Variants in DAB2IP observed in about 807,000 individuals in gnomAD.
DAB2IP encodes DAB2 interacting protein, also known as disabled homolog 2-interacting protein.
DAB2IP carries 28 observed loss-of-function variants against 107.2 expected under a neutral mutation model. That is an observed-to-expected ratio of 0.26 (90% CI 0.19 to 0.36). The LOEUF (loss-of-function observed/expected upper bound fraction) is 0.36, where lower values mean the gene tolerates loss of function less well. Ranked by LOEUF, DAB2IP falls within the 10% of genes least tolerant of loss-of-function variation. DAB2IP has a pLI of 1.00. For synonymous variants in DAB2IP, 755 were observed against 706.4 expected (o/e 1.07, Z -1.09); for missense variants, 1,400 against 1,644.7 (o/e 0.85, Z 2.57).
exon 7 of DAB2IP, chr9:121,763,590 C>G (rs1413537019): frequency 3.1e-6 from 5 of 1,613,898 alleles, no homozygotes; most frequent in Non-Finnish European, 4.2e-6. Flanking sequence ...ACACTGGCCA[C>G]CAAGGCCATT....
Position 121,776,133 on chromosome 9 carries a change from G to C in DAB2IP, c.3121-65G>C. Reference sequence around the variant, plus strand: ...CTCCCTCCTACCCTTCCTCCCACTCGGGCTGACGAAGCTGTGCTCTCTGTG... The same window carrying C: ...CTCCCTCCTACCCTTCCTCCCACTCCGGCTGACGAAGCTGTGCTCTCTGTG... On this transcript the variant is annotated intron_variant, in intron 13 of 15. Coordinates refer to ENST00000408936, the Ensembl canonical transcript of DAB2IP. This position sits in a 1 kb window ranked among gnomAD's most constrained non-coding sequence, Gnocchi z 5.4. 2 of 1,534,418 alleles carry C rather than the reference G, an allele frequency of 1.3e-6. No individual in the cohort carries two copies. Among genetic ancestry groups the C allele is most frequent in the Non-Finnish European group, 1.8e-6 (2 of 1,137,252 alleles).
chr9:121,773,681 A>G (rs1312402241), intron 12 of DAB2IP, among the ~76,000 whole-genome samples, 186 bp downstream of exon 12: 1 of 152,110 alleles, frequency 6.6e-6, no homozygotes, highest in African/African-American at 2.4e-5. Context: ...CCTGTGAACC[A>G]GGGACACTGT....
At chr9:121,694,469 T>A (rs2118706983) in intron 2 of DAB2IP, among the ~76,000 whole-genome samples, 1 of 152,292 alleles carries the variant, frequency 6.6e-6, no homozygotes, top group East Asian at 1.9e-4. Context: ...CATCATCATG[T>A]GGAATTCATT....
Position 121,763,494 on chromosome 9 carries a change from T to G in DAB2IP, c.1171-11T>G. ...CTCAGGTCCTGCTCTCTCCACCTCC[T>G]GCCTCCCCAGGACTTCCTGACAGAC... On this transcript the variant is annotated splice_polypyrimidine_tract_variant and intron_variant, in intron 6 of 15. Transcript: ENST00000408936. The G allele has an allele frequency of 6.2e-7, 1 of 1,608,262 alleles. No individual in the cohort carries two copies. Among genetic ancestry groups the G allele is most frequent in the South Asian group, 1.1e-5 (1 of 89,834 alleles).
chr9:121,778,243 G>A (rs1269550305), intron 14 of DAB2IP, among the ~76,000 whole-genome samples: 2 of 152,038 alleles, frequency 1.3e-5, no homozygotes, highest in Non-Finnish European at 2.9e-5. Context: ...ATTTTTGAAG[G>A]CAAAGCCCAT....
chr9:121,681,004 A>G (rs951488441), intron 2 of DAB2IP, among the ~76,000 whole-genome samples: 5 of 152,068 alleles, frequency 3.3e-5, no homozygotes, highest in Non-Finnish European at 5.9e-5. Flanking sequence ...CGGCCTCTCA[A>G]AGTGCTGGGA....
At chr9:121,728,265 C>A (rs1297582362) in intron 3 of DAB2IP, among the ~76,000 whole-genome samples, 1 of 152,074 alleles carries the variant, frequency 6.6e-6, no homozygotes, top group Non-Finnish European at 1.5e-5. Context: ...TCTGTTGATG[C>A]CCCTGGTTCT....
chr9:121,764,384 G>A (rs1834116862), intron 8 of DAB2IP, among the ~76,000 whole-genome samples: 1 of 152,232 alleles, frequency 6.6e-6, no homozygotes, highest in East Asian at 1.9e-4. Context: ...TGCAGACTCT[G>A]CCAGCCCCAG....
rs1416856227 is a variant in DAB2IP at position 121,783,790 on chromosome 9, C to T, written c.*1292C>T. 1.9e-5 allele frequency: 11 copies of T among 592,826 alleles called. No homozygotes were observed. The Admixed American group carries it at 3.3e-4, about 18-fold the overall frequency. The allele number at this position is 592,826 out of a possible 1,614,324, so 36.7% of individuals were successfully genotyped here. ...CACAGCTGGGGCCGGTTTTCCTCAG[C>T]TCTAGGCTGTTCTGTAGCTTATCTG... On this transcript the variant is annotated 3_prime_UTR_variant, in exon 16 of 16. Transcript: ENST00000408936.
chr9:121,574,457 C>G (rs1397307370), intron 1 of DAB2IP, among the ~76,000 whole-genome samples: 1 of 152,128 alleles, frequency 6.6e-6, no homozygotes, highest in Non-Finnish European at 1.5e-5. Flanking sequence ...GGAAGAGAAG[C>G]CACATTCATA....
chr9:121,612,312 G>A (rs374136913), intron 1 of DAB2IP, among the ~76,000 whole-genome samples: 2 of 151,996 alleles, frequency 1.3e-5, no homozygotes, highest in African/African-American at 4.8e-5. Context: ...TGGTAGCAGA[G>A]TGAGACCCTG....
chr9:121,679,968 C>G (rs1828497760), intron 2 of DAB2IP, among the ~76,000 whole-genome samples: 1 of 152,222 alleles, frequency 6.6e-6, no homozygotes, highest in South Asian at 2.1e-4. Flanking sequence ...CCTTGGGCAT[C>G]AGCTCAGATA....
chr9:121,642,000 TCTCTCTCTCTC>T (rs1564128640), intron 1 of DAB2IP, among the ~76,000 whole-genome samples: 914 of 17,992 alleles, frequency 0.051, 23 homozygotes, highest in East Asian at 0.16. Flanking sequence ...TTCCTTTCTC[TCTCTCTCTCTC>T]TCTCTCTCTC....
intron 1 of DAB2IP, among the ~76,000 whole-genome samples, chr9:121,606,363 C>CAATAATAAT (rs149009372): frequency 1.1e-3 from 166 of 151,132 alleles, no homozygotes; most frequent in Middle Eastern, 3.4e-3. Context: ...GATTCTGTCT[C>CAATAATAAT]AATAATAATA....
intron 3 of DAB2IP, among the ~76,000 whole-genome samples, chr9:121,727,765 G>A (rs77015986): frequency 0.042 from 6,437 of 152,244 alleles, 178 homozygotes; most frequent in Non-Finnish European, 0.062. Context: ...CCTCAAAGCC[G>A]AGAATCAGCT....
intron 3 of DAB2IP, among the ~76,000 whole-genome samples, chr9:121,710,721 A>G (rs1352510352): frequency 1.3e-5 from 2 of 152,266 alleles, no homozygotes; most frequent in Admixed American, 6.5e-5. Flanking sequence ...AAACAGGGTG[A>G]TGATGATGGT....
At chr9:121,746,241 G>C (rs1832716183) in intron 3 of DAB2IP, among the ~76,000 whole-genome samples, 1 of 152,220 alleles carries the variant, frequency 6.6e-6, no homozygotes, top group Admixed American at 6.5e-5. Flanking sequence ...GCCCAGCCTG[G>C]ATGGTAATGG....
rs188967196 is a variant in DAB2IP, at chr9:121,635,468, C to T, written c.41-43210C>T. Among the ~76,000 whole-genome samples, 78 of 152,300 alleles carry T rather than the reference C, an allele frequency of 5.1e-4. No homozygotes were observed. The highest frequency in any genetic ancestry group is 1.9e-3 in the African/African-American group (78 of 41,568). On this transcript the variant is annotated intron_variant, in intron 1 of 16. Transcript: ENST00000259371. This position sits in a 1 kb window ranked among gnomAD's most constrained non-coding sequence, Gnocchi z 4.3. ...GTCTCTCTGGCCATAGGTTCAGGGC[C>T]ACCTCCTGTGGACCTACTGTGTGCT...
chr9:121,781,029 A>C (rs946460649), intron 14 of DAB2IP, among the ~76,000 whole-genome samples: 4 of 152,304 alleles, frequency 2.6e-5, no homozygotes, highest in East Asian at 3.9e-4. Context: ...AAAGGACTAG[A>C]GTTCATTCAT....
Sources: allele counts gnomAD v4.1 joint callset (sites outside exome capture counted in the v4.1 genomes callset), GRCh38; gene constraint gnomAD v4.1.1; non-coding constraint Gnocchi (gnomAD v3.1); transcripts MANE v1.5; gene names NCBI Gene and HGNC (gene_info 2026-07-23, HGNC 2026-07-21).